The following FMNL2 variants were observed in gnomAD, a reference collection of about 807,000 sequenced individuals.
FMNL2 encodes formin like 2.
A neutral mutation model predicts 130.2 loss-of-function variants in FMNL2; 51 were observed. That is an observed-to-expected ratio of 0.39 (90% CI 0.31 to 0.49). The LOEUF is 0.49. FMNL2 is among the 20% of genes least tolerant of loss of function. The pLI is 0.85. For missense variants in FMNL2, 977 were observed against 1,316.2 expected (o/e 0.74, Z 3.99); for synonymous variants, 465 against 467.1 (o/e 1.00, Z 0.06).
chr2:152,517,242 G>C (rs908091932), intron 1 of FMNL2, among the ~76,000 whole-genome samples: 7 of 152,148 alleles, frequency 4.6e-5, no homozygotes, highest in Non-Finnish European at 1.0e-4. Flanking sequence ...ACAAGAAACT[G>C]AAATACTGTT....
chr2:152,538,886 C>A (rs1389514460), intron 2 of FMNL2, among the ~76,000 whole-genome samples: 2 of 152,202 alleles, frequency 1.3e-5, no homozygotes, highest in Non-Finnish European at 2.9e-5. Context: ...AAGAAAATTT[C>A]AGCACCTTGC....
chr2:152,637,745 A>G (rs1269551692), intron 23 of FMNL2, 71 bp downstream of exon 23: 22 of 1,397,512 alleles, frequency 1.6e-5, no homozygotes, highest in African/African-American at 2.8e-5. Context: ...CTGAGTCCCA[A>G]CTCTCTGCAG....
chr2:152,418,266 G>C (rs1370130553), intron 1 of FMNL2, among the ~76,000 whole-genome samples: 1 of 151,536 alleles, frequency 6.6e-6, no homozygotes, highest in Non-Finnish European at 1.5e-5. Flanking sequence ...TTTTGGCCAC[G>C]TTTTTAATTT....
At chr2:152,352,809 C>T (rs1179507154) in intron 1 of FMNL2, among the ~76,000 whole-genome samples, 1 of 151,350 alleles carries the variant, frequency 6.6e-6, no homozygotes. Context: ...TTTAAATGCC[C>T]CTAGTAAAAT....
At chr2:152,588,672 T>C (rs1161215480) in intron 9 of FMNL2, among the ~76,000 whole-genome samples, 1 of 152,102 alleles carries the variant, frequency 6.6e-6, no homozygotes, top group East Asian at 1.9e-4. Flanking sequence ...TAATAAAGCT[T>C]CAAGGACTTT....
intron 1 of FMNL2, among the ~76,000 whole-genome samples, chr2:152,468,301 C>T (rs1210456869): frequency 1.3e-5 from 2 of 152,184 alleles, no homozygotes; most frequent in African/African-American, 2.4e-5. Flanking sequence ...ACAGGAACCA[C>T]CAGCCTTTGA....
rs554075473 is a variant in FMNL2 at position 152,506,147 on chromosome 2, A to T, written c.118-15796A>T. On this transcript the variant is annotated intron_variant, in intron 1 of 25. Coordinates refer to ENST00000288670, the MANE Select transcript of FMNL2 (RefSeq NM_052905.4). ...ACCCCTAGGGAAATATCTCGTTTTTATGATAAAAATTTCTTTAGTTGAAAA... is the reference window on the plus strand; with the variant it reads ...ACCCCTAGGGAAATATCTCGTTTTTTTGATAAAAATTTCTTTAGTTGAAAA... Among the ~76,000 whole-genome samples the T allele has an allele frequency of 1.2e-3, 179 of 152,284 alleles. 1 individual carries two copies. Among genetic ancestry groups the T allele is most frequent in the African/African-American group, 4.0e-3 (166 of 41,560 alleles).
rs74725228 is a variant in FMNL2 at position 152,578,999 on chromosome 2, A to G, written c.782+35A>G. 2,982 of 1,561,842 alleles carry G rather than the reference A, an allele frequency of 1.9e-3. 48 individuals carry two copies. The African/African-American group carries it at 0.034, about 18-fold the overall frequency. ...TTTTGTAGTACGCAAGTCTAAATCTATCTAGAGAAAACAGAGGGCTAGTCA... is the reference window on the plus strand; with the variant it reads ...TTTTGTAGTACGCAAGTCTAAATCTGTCTAGAGAAAACAGAGGGCTAGTCA... On this transcript the variant is annotated intron_variant, in intron 8 of 25. Coordinates refer to ENST00000288670, the MANE Select transcript of FMNL2 (RefSeq NM_052905.4).
rs869134530 is a variant in FMNL2 at position 152,608,360 on chromosome 2, G to GAAA, written c.951+956_951+958dup. Among the ~76,000 whole-genome samples the GAAA allele has an allele frequency of 1.1e-3, 18 of 16,558 alleles. 2 individuals are homozygous for GAAA. The highest frequency in any genetic ancestry group is 1.7e-3 in the African/African-American group (10 of 5,916). The allele number at this position is 16,558 out of a possible 152,430, so 10.9% of individuals were successfully genotyped here. Reference sequence around the variant, plus strand: ...TTTGCAGATTTCTAACCCTTTTTGTGAAAAAAAAAAAGAAAAAAAAAAAAA... The same window carrying GAAA: ...TTTGCAGATTTCTAACCCTTTTTGTGAAAAAAAAAAAAAAGAAAAAAAAAAAAA... On this transcript the variant is annotated intron_variant, in intron 10 of 25. Transcript: ENST00000288670.
chr2:152,528,432 T>TAGA (rs1693515570), intron 2 of FMNL2, among the ~76,000 whole-genome samples: 1 of 152,222 alleles, frequency 6.6e-6, no homozygotes, highest in South Asian at 2.1e-4. Flanking sequence ...AGGAGATTTC[T>TAGA]TCCTTTCCTC....
At chr2:152,391,316 C>T (rs1191031578) in intron 1 of FMNL2, among the ~76,000 whole-genome samples, 1 of 152,158 alleles carries the variant, frequency 6.6e-6, no homozygotes, top group African/African-American at 2.4e-5. Flanking sequence ...GAGATTCTGA[C>T]AGATTAAGGT....
intron 1 of FMNL2, among the ~76,000 whole-genome samples, chr2:152,363,334 T>C (rs1683292123): frequency 6.6e-6 from 1 of 152,234 alleles, no homozygotes. Context: ...TTAAACTCCT[T>C]ATGTGTTGTT....
chr2:152,539,960 T>A (rs1159950386), intron 2 of FMNL2, among the ~76,000 whole-genome samples: 2 of 152,100 alleles, frequency 1.3e-5, no homozygotes, highest in Non-Finnish European at 2.9e-5. Flanking sequence ...CGTGGTTGCC[T>A]GCACCTATAG....
intron 1 of FMNL2, among the ~76,000 whole-genome samples, chr2:152,349,887 G>T (rs1450931714): frequency 6.6e-6 from 1 of 151,060 alleles, no homozygotes; most frequent in Non-Finnish European, 1.5e-5. Context: ...GCTTTATTCA[G>T]ACAGTCCAAA....
chr2:152,436,173 CT>C (rs35939908), intron 1 of FMNL2, among the ~76,000 whole-genome samples: 5 of 146,706 alleles, frequency 3.4e-5, no homozygotes, highest in Non-Finnish European at 4.5e-5. Context: ...TTTTATTTTT[CT>C]TTTTTTTTTG....
intron 1 of FMNL2, among the ~76,000 whole-genome samples, chr2:152,361,609 A>G (rs1683184606): frequency 6.6e-6 from 1 of 152,166 alleles, no homozygotes; most frequent in Non-Finnish European, 1.5e-5. Flanking sequence ...TCATAAAATC[A>G]TCCATTTTCT....
At chr2:152,591,024 T>TTTTTTTTTTTTTTTTTTTTG (rs1558989613) in intron 9 of FMNL2, among the ~76,000 whole-genome samples, 4 of 94,956 alleles carry the variant, frequency 4.2e-5, no homozygotes, top group Non-Finnish European at 7.9e-5. Context: ...TTTTTTTTTT[T>TTTTTTTTTTTTTTTTTTTTG]GAGACAGCAT....
At chr2:152,592,208 C>T (rs1339349519) in intron 9 of FMNL2, among the ~76,000 whole-genome samples, 1 of 152,190 alleles carries the variant, frequency 6.6e-6, no homozygotes, top group Non-Finnish European at 1.5e-5. Flanking sequence ...ACCAAATATA[C>T]ACTAAGGTCA....
intron 1 of FMNL2, among the ~76,000 whole-genome samples, chr2:152,441,496 A>G (rs1223101337): frequency 6.6e-6 from 1 of 152,154 alleles, no homozygotes; most frequent in East Asian, 1.9e-4. Context: ...TAATCATGCC[A>G]CTGCACTCCA....
Sources: gnomAD v4.1 joint callset for allele counts (sites outside exome capture counted in the v4.1 genomes callset) on GRCh38, gnomAD v4.1.1 for gene constraint, MANE v1.5 for transcripts, NCBI Gene and HGNC (gene_info 2026-07-23, HGNC 2026-07-21) for gene names.